Variants in ZNF251 observed in about 807,000 individuals in gnomAD.
ZNF251 encodes the protein zinc finger protein 251.
Under a neutral mutation model 13.5 loss-of-function variants are expected in ZNF251, and 14 were observed. The observed-to-expected ratio is 1.04, with a 90% confidence interval of 0.69 to 1.63. ZNF251 has a LOEUF of 1.63. Among genes scored for constraint, ZNF251 ranks in the 40% most tolerant of loss-of-function variants. The probability of loss-of-function intolerance (pLI) is 0.00; values close to 1 mark genes in which losing one functional copy is unlikely to be tolerated. For missense variants in ZNF251, 764 were observed against 834.9 expected (o/e 0.92, Z 1.05); for synonymous variants, 287 against 295.2 (o/e 0.97, Z 0.28).
intron 4 of ZNF251, among the ~76,000 whole-genome samples, chr8:144,751,689 T>C (rs1824699351): frequency 6.6e-6 from 1 of 152,210 alleles, no homozygotes; most frequent in Non-Finnish European, 1.5e-5. Context: ...AAATAAAATA[T>C]TATGCACAAG....
intron 4 of ZNF251, among the ~76,000 whole-genome samples, chr8:144,732,989 A>G (rs889775358): frequency 6.6e-6 from 1 of 152,106 alleles, no homozygotes; most frequent in African/African-American, 2.4e-5. Flanking sequence ...TGGGAGGCTG[A>G]GGCGGGTGGA....
rs752536152 is a variant in ZNF251, at chr8:144,722,776, C to T, written c.884G>A (p.Cys295Tyr). ...RIHTGEKPFG[C>Y]GECGKAFSRS... Reference sequence around the variant, plus strand: ...ACTGAAAGCCTTCCCACACTCACCACAGCCAAAGGGTTTTTCTCCAGTGTG... The same window carrying T: ...ACTGAAAGCCTTCCCACACTCACCATAGCCAAAGGGTTTTTCTCCAGTGTG... Residue 295 changes from cysteine to tyrosine, a missense_variant, in exon 5 of 5, where the codon TGT (cysteine) becomes TAT (tyrosine). Transcript: ENST00000292562. The surrounding 1 kb of genome is among the most constrained non-coding windows in gnomAD (Gnocchi z 4.8). 6.2e-7 allele frequency: 1 copy of T among 1,614,130 alleles called. No individual in the cohort carries two copies. The highest frequency in any genetic ancestry group is 2.2e-5 in the East Asian group (1 of 44,890).
chr8:144,735,017 T>G (rs1017519550), intron 4 of ZNF251, among the ~76,000 whole-genome samples: 4 of 151,392 alleles, frequency 2.6e-5, no homozygotes, highest in African/African-American at 9.7e-5. Flanking sequence ...GAGGTTGCAG[T>G]GAGCCAAGAT....
At chr8:144,753,863 G>C (rs147579342) in intron 3 of ZNF251, 67 bp from the exon 4 acceptor site, 3 of 1,254,638 alleles carry the variant, frequency 2.4e-6, no homozygotes, top group Non-Finnish European at 3.3e-6. Context: ...GGTGTGGAGA[G>C]ATGGGCCCTG....
chr8:144,753,849 G>A (rs1824821462), intron 3 of ZNF251, 53 bp from the exon 4 acceptor site: 6 of 1,400,772 alleles, frequency 4.3e-6, no homozygotes, highest in Non-Finnish European at 5.9e-6. Context: ...GGCCTTCCAG[G>A]CCAGGTGTGG....
intron 4 of ZNF251, among the ~76,000 whole-genome samples, chr8:144,735,569 T>G (rs981025183): frequency 6.6e-6 from 1 of 151,944 alleles, no homozygotes; most frequent in African/African-American, 2.4e-5. Context: ...GCCAATCCCA[T>G]GCCCACAAAT....
At chr8:144,724,134 C>T (rs1263793508) in intron 4 of ZNF251, among the ~76,000 whole-genome samples, 8 of 151,950 alleles carry the variant, frequency 5.3e-5, no homozygotes, top group African/African-American at 1.9e-4. Context: ...GTCCCAGCTA[C>T]TCAGGAGGCT....
intron 4 of ZNF251, among the ~76,000 whole-genome samples, chr8:144,742,956 T>C (rs957112367): frequency 6.6e-6 from 1 of 152,248 alleles, no homozygotes; most frequent in African/African-American, 2.4e-5. Flanking sequence ...TTCAAACCCA[T>C]GTTGTTCAAA....
intron 4 of ZNF251, among the ~76,000 whole-genome samples, chr8:144,748,782 C>G (rs765862093): frequency 2.0e-5 from 3 of 152,074 alleles, no homozygotes; most frequent in Non-Finnish European, 2.9e-5. Flanking sequence ...AGGCTGGTCT[C>G]AAACTCCCAG....
intron 4 of ZNF251, among the ~76,000 whole-genome samples, chr8:144,752,440 T>C (rs972310313): frequency 6.6e-5 from 10 of 152,138 alleles, no homozygotes; most frequent in Admixed American, 2.6e-4. Context: ...CAAATAATCA[T>C]TGGGTCAAAG....
At chr8:144,746,248 A>G (rs1824424390) in intron 4 of ZNF251, among the ~76,000 whole-genome samples, 1 of 152,214 alleles carries the variant, frequency 6.6e-6, no homozygotes, top group Admixed American at 6.5e-5. Context: ...ATATGACCAC[A>G]TGATCTTTCT....
At position 144,722,329 on chromosome 8, in the gene ZNF251, C is replaced by T. The variant is rs777430092; in HGVS notation, c.1331G>A (p.Arg444Gln). The change falls in exon 5 of 5, where the codon CGG (arginine) becomes CAG (glutamine). Residue 444 changes from arginine to glutamine, a missense_variant. By Grantham distance (43) the Arg-to-Gln change is conservative (BLOSUM62 1). Transcript: ENST00000292562. This position sits in a 1 kb window ranked among gnomAD's most constrained non-coding sequence, Gnocchi z 4.8. Reference sequence around the variant, plus strand: ...TCGATGCTGAACAAGAGTGGAACTCCGACGAAAGGCTTTGCCGCACTCATT... The same window carrying T: ...TCGATGCTGAACAAGAGTGGAACTCTGACGAAAGGCTTTGCCGCACTCATT... ...VCNECGKAFR[R>Q]SSTLVQHRRV... 30 of 1,613,518 alleles carry T rather than the reference C, an allele frequency of 1.9e-5. No homozygotes were observed. Among genetic ancestry groups the T allele is most frequent in the Middle Eastern group, 1.6e-4 (1 of 6,062 alleles).
chr8:144,730,131 A>C (rs1271493981), intron 4 of ZNF251: 2 of 985,234 alleles, frequency 2.0e-6, no homozygotes, highest in East Asian at 1.1e-4. Flanking sequence ...CCAAAAGAGA[A>C]CTCAGGAACC....
In ZNF251 at chr8:144,734,131, T is replaced by C. The variant is rs760215447; in HGVS notation, c.278-10749A>G. ...GCGCCCACTCAGACCACAGTCCCTC[T>C]GTTGGGACCTTCCCATGCCACACCT... On this transcript the variant is annotated intron_variant, in intron 4 of 4. Coordinates refer to ENST00000292562, the MANE Select transcript of ZNF251 (RefSeq NM_138367.2). This position sits in a 1 kb window ranked among gnomAD's most constrained non-coding sequence, Gnocchi z 4.4. 2.4e-4 allele frequency among the ~76,000 whole-genome samples: 36 copies of C among 152,180 alleles called. No individual in the cohort carries two copies. The highest frequency in any genetic ancestry group is 4.3e-4 in the Non-Finnish European group (29 of 68,040).
At chr8:144,731,356 G>C (rs1012513812) in intron 4 of ZNF251, among the ~76,000 whole-genome samples, 1 of 152,192 alleles carries the variant, frequency 6.6e-6, no homozygotes, top group Non-Finnish European at 1.5e-5. Flanking sequence ...ACTGTGTACC[G>C]ATGGAACTTT....
chr8:144,752,447 AAAG>A (rs572591925), intron 4 of ZNF251, among the ~76,000 whole-genome samples: 9 of 152,252 alleles, frequency 5.9e-5, no homozygotes, highest in Non-Finnish European at 1.3e-4. Flanking sequence ...TCATTGGGTC[AAAG>A]AAGAAGTCAC....
chr8:144,748,140 C>A (rs1423460260), intron 4 of ZNF251, among the ~76,000 whole-genome samples: 1 of 151,968 alleles, frequency 6.6e-6, no homozygotes, highest in African/African-American at 2.4e-5. Flanking sequence ...ATGGTGCAAT[C>A]TTGGCTCACT....
chr8:144,745,044 G>T (rs554260253), intron 4 of ZNF251, among the ~76,000 whole-genome samples: 1 of 152,102 alleles, frequency 6.6e-6, no homozygotes, highest in Non-Finnish European at 1.5e-5. Flanking sequence ...TGACCAGAAC[G>T]AGACTCCATA....
chr8:144,721,443 T>G lies in ZNF251; in HGVS notation c.*201A>C, dbSNP rs1004891079. Reference sequence around the variant, plus strand: ...ACGGTTCAACTCCTGAGCACAGCAGTAACCTTTACACAGACAGCCTGATTT... The same window carrying G: ...ACGGTTCAACTCCTGAGCACAGCAGGAACCTTTACACAGACAGCCTGATTT... On this transcript the variant is annotated 3_prime_UTR_variant, in exon 5 of 5. Coordinates refer to ENST00000292562, the MANE Select transcript of ZNF251 (RefSeq NM_138367.2). 9.9e-6 allele frequency: 5 copies of G among 504,236 alleles called. No individual in the cohort carries two copies. Among genetic ancestry groups the G allele is most frequent in the African/African-American group, 9.9e-5 (5 of 50,586 alleles). 31.2% of individuals were successfully genotyped at this position (504,236 alleles called of 1,614,324 possible). A position where few individuals can be genotyped will look rare whatever the true frequency, so the allele number is the denominator to read the frequency against.
Sources: allele counts gnomAD v4.1 joint callset (sites outside exome capture counted in the v4.1 genomes callset), GRCh38; gene constraint gnomAD v4.1.1; non-coding constraint Gnocchi (gnomAD v3.1); transcripts MANE v1.5; gene names NCBI Gene and HGNC (gene_info 2026-07-23, HGNC 2026-07-21).